The following MYOF variants were observed in gnomAD, a reference collection of about 807,000 sequenced individuals.
MYOF encodes myoferlin.
A neutral mutation model predicts 284.2 loss-of-function variants in MYOF; 244 were observed. The ratio of observed to expected loss-of-function variants is 0.86; its 90% CI spans 0.77 to 0.95. The LOEUF is 0.95. MYOF is among the 40% of genes least tolerant of loss of function. MYOF has a pLI of 0.00. For synonymous variants in MYOF, 904 were observed against 919.7 expected (o/e 0.98, Z 0.31); for missense variants, 2,496 against 2,560.6 (o/e 0.97, Z 0.54).
intron 43 of MYOF, among the ~76,000 whole-genome samples, chr10:93,331,555 C>T (rs1193496371): frequency 1.3e-5 from 2 of 152,130 alleles, no homozygotes; most frequent in African/African-American, 4.8e-5. Context: ...TCACGGGAGC[C>T]CTCCTTCCTG....
At chr10:93,431,713 C>T (rs1848880494) in intron 3 of MYOF, among the ~76,000 whole-genome samples, 197 bp from the exon 4 acceptor site, 1 of 151,372 alleles carries the variant, frequency 6.6e-6, no homozygotes, top group Non-Finnish European at 1.5e-5. Flanking sequence ...TTACAAGAGT[C>T]AAACTCTGGT....
At chr10:93,375,050 C>G (rs1365013324) in intron 22 of MYOF, 95 bp from the exon 23 acceptor site, 1 of 1,227,856 alleles carries the variant, frequency 8.1e-7, no homozygotes, top group Non-Finnish European at 1.1e-6. Flanking sequence ...GGATTTCCAT[C>G]TTGCAAACCA....
chr10:93,332,612 G>C (rs1296894400), intron 43 of MYOF, among the ~76,000 whole-genome samples: 1 of 151,900 alleles, frequency 6.6e-6, no homozygotes, highest in Non-Finnish European at 1.5e-5. Context: ...TTGGGAGGGC[G>C]AGGCGGGCAG....
intron 1 of MYOF, among the ~76,000 whole-genome samples, chr10:93,472,952 T>G (rs1330925037): frequency 6.6e-6 from 1 of 152,182 alleles, no homozygotes; most frequent in Non-Finnish European, 1.5e-5. Context: ...CGACAAGTTC[T>G]CTATATATTT....
chr10:93,480,075 A>G (rs1239326928), intron 1 of MYOF, among the ~76,000 whole-genome samples: 1 of 152,250 alleles, frequency 6.6e-6, no homozygotes, highest in Non-Finnish European at 1.5e-5. Flanking sequence ...TGATCCAAAT[A>G]TATTTTAATG....
At position 93,347,689 on chromosome 10, in the gene MYOF, T is replaced by C. The variant is rs771282866; in HGVS notation, c.4177A>G (p.Thr1393Ala). 2 of 1,614,052 alleles carry C rather than the reference T, an allele frequency of 1.2e-6. No homozygotes were observed. The highest frequency in any genetic ancestry group is 8.5e-7 in the Non-Finnish European group (1 of 1,180,024). ...FGRKPVVGQC[T>A]IERLDRFRCD... Reference sequence around the variant, plus strand: ...CGAAAGCGGTCCAGGCGCTCGATGGTGCACTGGCCGACGACAGGCTTCCGC... The same window carrying C: ...CGAAAGCGGTCCAGGCGCTCGATGGCGCACTGGCCGACGACAGGCTTCCGC... The change falls in exon 37 of 54, where the codon ACC becomes GCC. Residue 1393 changes from threonine to alanine, a missense_variant. Physicochemically the swap from Thr to Ala is moderately conservative, Grantham distance 58. This residue lies in a region of MYOF where 2,436 missense variants were observed against 2,480.7 expected (regional missense o/e 0.98). Transcript: ENST00000359263.
chr10:93,446,051 C>T (rs1298728032), intron 3 of MYOF, among the ~76,000 whole-genome samples: 2 of 151,910 alleles, frequency 1.3e-5, no homozygotes, highest in South Asian at 4.2e-4. Flanking sequence ...GGTAATCTGA[C>T]CAAGGTGTGT....
At chr10:93,472,028 C>T (rs1318468087) in intron 1 of MYOF, among the ~76,000 whole-genome samples, 1 of 152,216 alleles carries the variant, frequency 6.6e-6, no homozygotes, top group African/African-American at 2.4e-5. Context: ...GAGCTGGGCT[C>T]CACTGGCCAA....
chr10:93,362,113 C>G (rs1399209020), intron 27 of MYOF, among the ~76,000 whole-genome samples: 2 of 152,024 alleles, frequency 1.3e-5, no homozygotes, highest in African/African-American at 4.8e-5. Context: ...CCATGCCCAG[C>G]TAATTTTTGT....
At chr10:93,358,663 G>C (rs1245731194) in intron 29 of MYOF, among the ~76,000 whole-genome samples, 7 of 152,134 alleles carry the variant, frequency 4.6e-5, no homozygotes, top group African/African-American at 1.7e-4. Context: ...CATGGATGGA[G>C]CTGGAAGCCA....
intron 15 of MYOF, 54 bp from the exon 16 acceptor site, chr10:93,396,278 C>G (rs1286139020): frequency 2.4e-6 from 3 of 1,260,546 alleles, no homozygotes; most frequent in Admixed American, 2.3e-5. Flanking sequence ...AGAGCTCCAT[C>G]TAGGAAGATA....
intron 1 of MYOF, among the ~76,000 whole-genome samples, chr10:93,460,450 A>T (rs2056846461): frequency 1.3e-5 from 2 of 152,250 alleles, no homozygotes; most frequent in African/African-American, 4.8e-5. Context: ...AGAGTGTAAG[A>T]TAATTCTTAG....
At chr10:93,463,760 T>A (rs1369260666) in intron 1 of MYOF, among the ~76,000 whole-genome samples, 1 of 150,806 alleles carries the variant, frequency 6.6e-6, no homozygotes, top group African/African-American at 2.4e-5. Flanking sequence ...TAGTCCCAGC[T>A]ACTCAGGAGG....
In MYOF at chr10:93,369,670, C is replaced by T; in HGVS notation, c.2564G>A (p.Gly855Glu). 3 of 1,614,206 alleles carry T rather than the reference C, an allele frequency of 1.9e-6. No individual in the cohort carries two copies. The African/African-American group carries it at 4.0e-5, about 22-fold the overall frequency. ...CATTTCAGCAAAGACGGTGAAAGTT[C>T]CTTCTGCGAAGCTGTTAAACTTCTT... ...VEKKFNSFAEGTFTVFAEMYE... is the reference protein window; with the variant it reads ...VEKKFNSFAEETFTVFAEMYE... The change falls in exon 25 of 54, where the codon GGA becomes GAA. Residue 855 changes from glycine to glutamate, a missense_variant. Physicochemically the swap from Gly to Glu is moderately conservative, Grantham distance 98. Transcript: ENST00000359263.
intron 17 of MYOF, among the ~76,000 whole-genome samples, chr10:93,390,559 T>C (rs898551007): frequency 1.3e-5 from 2 of 152,188 alleles, no homozygotes; most frequent in Admixed American, 6.5e-5. Context: ...GTTATCATCT[T>C]CAAGACAGAT....
At chr10:93,438,823 A>C (rs2056155532) in intron 3 of MYOF, among the ~76,000 whole-genome samples, 1 of 152,142 alleles carries the variant, frequency 6.6e-6, no homozygotes, top group Admixed American at 6.5e-5. Flanking sequence ...AACAAACTGT[A>C]GCAGGCAAAC....
intron 53 of MYOF, among the ~76,000 whole-genome samples, chr10:93,307,812 A>C (rs1457046828): frequency 4.0e-5 from 6 of 150,390 alleles, no homozygotes; most frequent in Non-Finnish European, 8.9e-5. Flanking sequence ...TTTAGTAGAG[A>C]CAGGGTTTCA....
chr10:93,332,123 G>GC (rs1843334955), intron 43 of MYOF, among the ~76,000 whole-genome samples: 1 of 152,146 alleles, frequency 6.6e-6, no homozygotes, highest in South Asian at 2.1e-4. Context: ...GGTAATCCCT[G>GC]CCCTGAGCAG....
intron 20 of MYOF, 100 bp from the exon 21 acceptor site, chr10:93,380,087 G>C (rs554824546): frequency 2.8e-6 from 4 of 1,437,182 alleles, no homozygotes; most frequent in Admixed American, 1.9e-5. Context: ...TAATCCACAG[G>C]CTTGGGGAAT....
Sources: allele counts gnomAD v4.1 joint callset (sites outside exome capture counted in the v4.1 genomes callset), GRCh38; gene constraint gnomAD v4.1.1; regional missense constraint gnomAD v4.1.1; transcripts MANE v1.5; gene names NCBI Gene and HGNC (gene_info 2026-07-23, HGNC 2026-07-21).